Variants in WDR89 observed in about 807,000 individuals in gnomAD.
The protein encoded by WDR89 is WD repeat domain 89.
A neutral mutation model predicts 29.1 loss-of-function variants in WDR89; 17 were observed. That is an observed-to-expected ratio of 0.58 (90% confidence interval 0.40 to 0.88). The LOEUF (loss-of-function observed/expected upper bound fraction) is 0.88. WDR89 is among the 40% of genes least tolerant of loss of function. The pLI, the probability that WDR89 is intolerant of heterozygous loss-of-function variation, is 0.00. For synonymous variants in WDR89, 138 were observed against 157.8 expected (o/e 0.87, Z 0.94); for missense variants, 396 against 456.3 (o/e 0.87, Z 1.20).
intron 1 of WDR89, among the ~76,000 whole-genome samples, chr14:63,638,531 T>C (rs1883894598): frequency 6.6e-6 from 1 of 152,206 alleles, no homozygotes; most frequent in African/African-American, 2.4e-5. Context: ...CATGAACATA[T>C]AAAACTGAAT....
At chr14:63,601,597 T>C (rs1895066171) in intron 2 of WDR89, 1 of 1,612,714 alleles carries the variant, frequency 6.2e-7, no homozygotes, top group Non-Finnish European at 8.5e-7. Context: ...AAAGGAGGCA[T>C]TATGCTTCCA....
In WDR89 at chr14:63,600,233, C is replaced by T. The variant is rs544003429; in HGVS notation, c.-31-260G>A. Among the ~76,000 whole-genome samples, 7 of 152,280 alleles carry T rather than the reference C, an allele frequency of 4.6e-5. No homozygotes were observed. The South Asian group carries it at 1.5e-3, about 32-fold the overall frequency. On this transcript the variant is annotated intron_variant, in intron 2 of 2. Coordinates refer to ENST00000620954, the MANE Select transcript of WDR89 (RefSeq NM_080666.4). ...TCACTACCAGGAGTGGTGGCTCACA[C>T]CTGTAATCTCAGCACTTTGGGAGGC...
At chr14:63,628,534 A>G (rs886084898) in intron 1 of WDR89, among the ~76,000 whole-genome samples, 1 of 152,256 alleles carries the variant, frequency 6.6e-6, no homozygotes, top group Non-Finnish European at 1.5e-5. Flanking sequence ...TTTAGATAAG[A>G]TGGCTAGGAC....
At chr14:63,619,242 T>C (rs1026108017) in intron 2 of WDR89, among the ~76,000 whole-genome samples, 3 of 152,184 alleles carry the variant, frequency 2.0e-5, no homozygotes, top group Admixed American at 6.6e-5. Flanking sequence ...TAACAGCTCA[T>C]AGCTGAAGGA....
chr14:63,622,564 G>C (rs753603521), intron 2 of WDR89, among the ~76,000 whole-genome samples: 74 of 152,066 alleles, frequency 4.9e-4, no homozygotes, highest in Non-Finnish European at 8.2e-4. Context: ...CTGGGCAACA[G>C]AGCGAGACTT....
Position 63,640,002 on chromosome 14 carries a change from A to G in WDR89, c.-138+1802T>C, listed in dbSNP as rs1883999065. ...CAAAGTGAGAGAAAAGAACCCAAAA[A>G]GTAGTTACATGGGCTTGATCTTACT... is the stretch of plus-strand genomic sequence containing the variant. On this transcript the variant is annotated intron_variant, in intron 1 of 2. Coordinates refer to ENST00000620954, the MANE Select transcript of WDR89 (RefSeq NM_080666.4). Among the ~76,000 whole-genome samples, 4 of 152,236 alleles carry G rather than the reference A, an allele frequency of 2.6e-5. No homozygotes were observed. In the South Asian group the frequency reaches 8.3e-4, roughly 32 times the overall value.
chr14:63,629,757 T>A (rs1306618367), intron 1 of WDR89, among the ~76,000 whole-genome samples: 1 of 152,130 alleles, frequency 6.6e-6, no homozygotes, highest in East Asian at 1.9e-4. Flanking sequence ...AACTAAAACG[T>A]CAAACTTTAT....
intron 2 of WDR89, among the ~76,000 whole-genome samples, chr14:63,602,270 G>A (rs944728302): frequency 1.3e-5 from 2 of 151,846 alleles, no homozygotes; most frequent in African/African-American, 2.4e-5. Context: ...TCAGGAGTTC[G>A]AGACCAGTCT....
rs1249303868 is a variant in WDR89 at position 63,597,191 on chromosome 14, G to A, written c.*1588C>T. On this transcript the variant is annotated 3_prime_UTR_variant, in exon 3 of 3. Coordinates refer to ENST00000620954, the MANE Select transcript of WDR89 (RefSeq NM_080666.4). ...AAGAGTGAGGAGTTAAAGGGGCAGA[G>A]CCCTTTATAAAACCATCAGATCTTG... The A allele has an allele frequency of 6.6e-6, 1 of 152,140 alleles. No individual in the cohort carries two copies. Among genetic ancestry groups the A allele is most frequent in the East Asian group, 1.9e-4 (1 of 5,198 alleles). The allele number at this position is 152,140 out of a possible 1,614,324, so 9.4% of individuals were successfully genotyped here.
chr14:63,601,727 A>C (rs964904574), intron 2 of WDR89: 2 of 1,521,692 alleles, frequency 1.3e-6, no homozygotes, highest in Non-Finnish European at 1.8e-6. Flanking sequence ...TTCTTCTCCC[A>C]TAACATGGAG....
chr14:63,641,111 A>G (rs892606503), intron 1 of WDR89, among the ~76,000 whole-genome samples: 46 of 148,722 alleles, frequency 3.1e-4, no homozygotes, highest in Admixed American at 5.3e-4. Flanking sequence ...AAAAAAAAAA[A>G]AAAAGAAAAA....
intron 2 of WDR89, among the ~76,000 whole-genome samples, chr14:63,604,981 C>T (rs1254919843): frequency 2.0e-5 from 3 of 152,014 alleles, no homozygotes; most frequent in African/African-American, 4.8e-5. Flanking sequence ...AACCCCTTCT[C>T]TACACAAAAA....
chr14:63,633,195 T>C (rs1288513298), intron 1 of WDR89, among the ~76,000 whole-genome samples: 2 of 152,080 alleles, frequency 1.3e-5, no homozygotes, highest in African/African-American at 4.8e-5. Flanking sequence ...AATAAACTAG[T>C]ATTTGACAGG....
intron 1 of WDR89, among the ~76,000 whole-genome samples, chr14:63,639,365 A>AG (rs966413778): frequency 4.0e-5 from 6 of 151,822 alleles, no homozygotes; most frequent in African/African-American, 1.4e-4. Flanking sequence ...ACCAAAAAAA[A>AG]AAAAAAAAAA....
intron 2 of WDR89, among the ~76,000 whole-genome samples, chr14:63,617,577 C>T (rs1882399961): frequency 6.6e-6 from 1 of 151,922 alleles, no homozygotes; most frequent in South Asian, 2.1e-4. Flanking sequence ...TGTAACCTCC[C>T]AGGTTCAAGC....
intron 2 of WDR89, among the ~76,000 whole-genome samples, chr14:63,620,407 T>C (rs1882621012): frequency 6.6e-6 from 1 of 152,164 alleles, no homozygotes; most frequent in South Asian, 2.1e-4. Context: ...ATGTGAAATC[T>C]AAAACAGTCA....
At chr14:63,605,211 T>TACACACACAC (rs200461481) in intron 2 of WDR89, among the ~76,000 whole-genome samples, 2,230 of 102,530 alleles carry the variant, frequency 0.022, 58 homozygotes, top group African/African-American at 0.057. Context: ...TACATACACA[T>TACACACACAC]ACACACACAC....
rs1387737520 is a variant in WDR89, at chr14:63,601,778, T to C, written c.-31-1805A>G. ...TAGATGACAAGGATTATTTCCTATT[T>C]AGAGATGGTGACGTTCTTGGAAAGT... On this transcript the variant is annotated intron_variant, in intron 2 of 2. Coordinates refer to ENST00000620954, the MANE Select transcript of WDR89 (RefSeq NM_080666.4). 8.7e-6 allele frequency: 11 copies of C among 1,258,168 alleles called. No homozygotes were observed. In the African/African-American group the frequency reaches 1.6e-4, roughly 19 times the overall value. The allele number at this position is 1,258,168 out of a possible 1,614,324, so 77.9% of individuals were successfully genotyped here.
intron 2 of WDR89, among the ~76,000 whole-genome samples, chr14:63,621,246 T>C (rs962863984): frequency 6.6e-6 from 1 of 152,158 alleles, no homozygotes; most frequent in African/African-American, 2.4e-5. Context: ...AATTTCATAG[T>C]AGCATTATTA....
Sources: gnomAD v4.1 joint callset for allele counts (sites outside exome capture counted in the v4.1 genomes callset) on GRCh38, gnomAD v4.1.1 for gene constraint, MANE v1.5 for transcripts, NCBI Gene and HGNC (gene_info 2026-07-23, HGNC 2026-07-21) for gene names.